The following RGPD3 variants were observed in gnomAD, a reference collection of about 807,000 sequenced individuals.
The protein encoded by RGPD3 is RANBP2 like and GRIP domain containing 3.
RGPD3 carries 62 observed loss-of-function variants against 154.5 expected under a neutral mutation model. The ratio of observed to expected loss-of-function variants is 0.40; its 90% CI spans 0.33 to 0.50. The LOEUF (loss-of-function observed/expected upper bound fraction) is 0.50, where lower values mean the gene tolerates loss of function less well. Among genes scored for constraint, RGPD3 ranks in the 20% least tolerant of loss-of-function variants. The pLI is 0.59. For missense variants in RGPD3, 919 were observed against 1,716.8 expected (o/e 0.54, Z 8.21); for synonymous variants, 308 against 607.0 (o/e 0.51, Z 7.24).
At chr2:106,440,370 T>C in intron 8 of RGPD3, among the ~76,000 whole-genome samples, 1 of 150,722 alleles carries the variant, frequency 6.6e-6, no homozygotes, top group East Asian at 2.0e-4. Flanking sequence ...CACAGTTGTG[T>C]CTCAGCACAC....
chr2:106,461,374 T>C (rs529404021), intron 1 of RGPD3, among the ~76,000 whole-genome samples: 1 of 151,850 alleles, frequency 6.6e-6, no homozygotes, highest in Non-Finnish European at 1.5e-5. Flanking sequence ...CAACAATTGA[T>C]CTGATAACTG....
At position 106,410,703 on chromosome 2, in the gene RGPD3, C is replaced by G. The variant is rs1332567560; in HGVS notation, c.5266+2381G>C. Among the ~76,000 whole-genome samples the G allele has an allele frequency of 1.6e-4, 25 of 152,086 alleles. No individual in the cohort carries two copies. In the East Asian group the frequency reaches 4.1e-3, roughly 25 times the overall value. ...ATTTCTGTCTTGCTTTTTATAGGGG[C>G]AGTTTTACTCTTAGGTGACTAGAAG... On this transcript the variant is annotated intron_variant, in intron 22 of 22. Coordinates refer to ENST00000409886, the MANE Select transcript of RGPD3 (RefSeq NM_001144013.2).
intron 7 of RGPD3, among the ~76,000 whole-genome samples, chr2:106,446,790 G>A (rs1347400795): frequency 2.0e-5 from 3 of 151,658 alleles, no homozygotes; most frequent in Admixed American, 6.6e-5. Context: ...GCTGAGGCAG[G>A]AGAATCACTT....
At position 106,423,894 on chromosome 2, in the gene RGPD3, A is replaced by G. The variant is rs1388220935; in HGVS notation, c.4073T>C (p.Phe1358Ser). Residue 1358 changes from phenylalanine (F) to serine (S), a missense_variant, in exon 20 of 23, where the codon TTT becomes TCT. By Grantham distance (155) the Phe-to-Ser change is radical. Transcript: ENST00000409886. ...SSGEENEQVVFSHRAEFYRYD... is the reference protein window; with the variant it reads ...SSGEENEQVVSSHRAEFYRYD... Reference sequence around the variant, plus strand: ...TCTGTAGAATTCTGCCCTGTGACTAAAAACAACTTGTTCATTTTCCTCACC... The same window carrying G: ...TCTGTAGAATTCTGCCCTGTGACTAGAAACAACTTGTTCATTTTCCTCACC... The G allele has an allele frequency of 1.2e-6, 2 of 1,611,874 alleles. No homozygotes were observed. Among genetic ancestry groups the G allele is most frequent in the South Asian group, 1.1e-5 (1 of 90,962 alleles).
Position 106,415,975 on chromosome 2 carries a change from A to G in RGPD3, c.4939T>C (p.Tyr1647His), listed in dbSNP as rs200839134. ...KTPEKEPPLW[Y>H]AEFTKEELVQ... is the part of the protein sequence containing the mutation. ...AATTCTTCTTTAGTAAATTCAGCAT[A>G]CCATAATGGAGGCTCTGCAACATGT... Residue 1647 changes from tyrosine to histidine, a missense_variant, in exon 21 of 23, where the codon TAT (tyrosine) becomes CAT (histidine). Tyr to His is a moderately conservative substitution (Grantham distance 83, BLOSUM62 2). Coordinates refer to ENST00000409886, the MANE Select transcript of RGPD3 (RefSeq NM_001144013.2). 1.4e-5 allele frequency: 23 copies of G among 1,611,654 alleles called. No individual in the cohort carries two copies. The highest frequency in any genetic ancestry group is 1.0e-4 in the Admixed American group (6 of 59,970).
intron 6 of RGPD3, among the ~76,000 whole-genome samples, chr2:106,450,585 A>G (rs1678083166): frequency 8.2e-6 from 1 of 121,936 alleles, no homozygotes; most frequent in African/African-American, 3.0e-5. Flanking sequence ...CTGGTGGGGA[A>G]CAACCTGAGG....
intron 21 of RGPD3, among the ~76,000 whole-genome samples, chr2:106,413,657 G>A: frequency 6.6e-6 from 1 of 152,166 alleles, no homozygotes; most frequent in Non-Finnish European, 1.5e-5. Flanking sequence ...GCTAATACAA[G>A]AGGAGAAAAA....
At chr2:106,438,175 G>T (rs1205630590) in intron 9 of RGPD3, among the ~76,000 whole-genome samples, 1 of 151,936 alleles carries the variant, frequency 6.6e-6, no homozygotes, top group Non-Finnish European at 1.5e-5. Context: ...TGATCTGCCC[G>T]CCTCGGCCTC....
upstream of RGPD3, chr2:106,470,858 T>A: frequency 6.2e-7 from 1 of 1,602,018 alleles, no homozygotes; most frequent in Admixed American, 1.7e-5. Context: ...CGCCATCTAG[T>A]GGAGTACTGG....
chr2:106,460,427 T>C (rs1323637146), intron 1 of RGPD3, among the ~76,000 whole-genome samples: 1 of 149,078 alleles, frequency 6.7e-6, no homozygotes, highest in Non-Finnish European at 1.5e-5. Flanking sequence ...CTGTTCTCTC[T>C]ACAGATCAGA....
intron 21 of RGPD3, 55 bp downstream of exon 21, chr2:106,415,795 G>C: frequency 6.2e-7 from 1 of 1,611,192 alleles, no homozygotes. Flanking sequence ...TGTGTATGGA[G>C]GGTCCAGAAA....
Position 106,404,889 on chromosome 2 carries a change from T to C in RGPD3, c.*330A>G, listed in dbSNP as rs1676459213. ...GGCGGGTCCTGAGGTTCCAGAGAAG[T>C]GGGGAGTGAATTCATTCCTGGTGGT... On this transcript the variant is annotated 3_prime_UTR_variant, in exon 23 of 23. Transcript: ENST00000409886. 2.8e-6 allele frequency: 1 copy of C among 357,998 alleles called. No homozygotes were observed. Among genetic ancestry groups the C allele is most frequent in the African/African-American group, 2.2e-5 (1 of 44,600 alleles). 22.2% of individuals were successfully genotyped at this position (357,998 alleles called of 1,614,324 possible).
chr2:106,446,264 TAAAAA>T (rs1239130246), intron 7 of RGPD3, among the ~76,000 whole-genome samples: 2 of 73,408 alleles, frequency 2.7e-5, no homozygotes, highest in South Asian at 5.1e-4. Context: ...GCAGGCTCAT[TAAAAA>T]AAAAAAAAAA....
chr2:106,457,465 G>T, intron 3 of RGPD3, 102 bp downstream of exon 3: 2 of 1,496,854 alleles, frequency 1.3e-6, no homozygotes, highest in Non-Finnish European at 1.8e-6. Context: ...ACCAATGCCT[G>T]TTTTATGATA....
intron 1 of RGPD3, among the ~76,000 whole-genome samples, chr2:106,467,724 C>T (rs113272952): frequency 3.5e-3 from 450 of 127,322 alleles, no homozygotes; most frequent in Middle Eastern, 5.0e-3. Context: ...GAGGCCGCCG[C>T]CTCAACAGAG....
chr2:106,444,787 C>A (rs1403931695), intron 7 of RGPD3, among the ~76,000 whole-genome samples: 1 of 150,466 alleles, frequency 6.6e-6, no homozygotes, highest in African/African-American at 2.5e-5. Context: ...TATGATCATG[C>A]CACTGCACTC....
intron 21 of RGPD3, among the ~76,000 whole-genome samples, chr2:106,414,156 A>C (rs1189622290): frequency 2.0e-5 from 3 of 151,988 alleles, no homozygotes; most frequent in Non-Finnish European, 2.9e-5. Flanking sequence ...AGGTAATATC[A>C]TGTTCAAGTC....
At chr2:106,450,705 CAAAAAAAA>C (rs768839840) in intron 6 of RGPD3, among the ~76,000 whole-genome samples, 29 of 43,250 alleles carry the variant, frequency 6.7e-4, no homozygotes, top group African/African-American at 3.3e-3. Flanking sequence ...GACTCTGTCT[CAAAAAAAA>C]AAAAAAAAAA....
chr2:106,420,988 T>A (rs78524854), intron 20 of RGPD3, among the ~76,000 whole-genome samples: 9,473 of 146,010 alleles, frequency 0.065, 370 homozygotes, highest in African/African-American at 0.078. Context: ...CTATTGGATG[T>A]CACTGCTCTG....
Sources: gnomAD v4.1 joint callset for allele counts (sites outside exome capture counted in the v4.1 genomes callset) on GRCh38, gnomAD v4.1.1 for gene constraint, MANE v1.5 for transcripts, NCBI Gene and HGNC (gene_info 2026-07-23, HGNC 2026-07-21) for gene names.